ADCY1: variants seen among roughly 807,000 people sequenced by gnomAD.
ADCY1 encodes the protein adenylate cyclase 1.
Under a neutral mutation model 105.4 loss-of-function variants are expected in ADCY1, and 28 were observed. The observed-to-expected ratio is 0.27, with a 90% CI of 0.20 to 0.36. The LOEUF is 0.36. Ranked by LOEUF, ADCY1 falls within the 10% of genes least tolerant of loss-of-function variation. The probability of loss-of-function intolerance (pLI) is 1.00; values close to 1 mark genes in which losing one functional copy is unlikely to be tolerated. For synonymous variants in ADCY1, 655 were observed against 623.8 expected, an observed-to-expected ratio of 1.05 and a Z score of -0.75; for missense variants, 977 against 1,434.2, an observed-to-expected ratio of 0.68 and a Z score of 5.15.
At chr7:45,695,068 C>G (rs1281897197) in intron 14 of ADCY1, among the ~76,000 whole-genome samples, 1 of 152,198 alleles carries the variant, frequency 6.6e-6, no homozygotes, top group South Asian at 2.1e-4. Context: ...TCTGGGAGAC[C>G]CCTAGGCTCC....
intron 14 of ADCY1, among the ~76,000 whole-genome samples, chr7:45,688,427 G>A (rs1220200311): frequency 1.3e-4 from 20 of 152,206 alleles, no homozygotes; most frequent in Admixed American, 1.3e-3. Context: ...GGGAGGGAGG[G>A]TTAGAGTAGG....
At chr7:45,582,845 C>T (rs1220968082) in intron 1 of ADCY1, among the ~76,000 whole-genome samples, 1 of 152,138 alleles carries the variant, frequency 6.6e-6, no homozygotes, top group South Asian at 2.1e-4. Flanking sequence ...TGGGGGAATC[C>T]CTGGGGGCAG....
chr7:45,595,073 T>C (rs981048256), intron 2 of ADCY1, among the ~76,000 whole-genome samples: 1 of 152,256 alleles, frequency 6.6e-6, no homozygotes, highest in Non-Finnish European at 1.5e-5. Flanking sequence ...AGTTTTTTCT[T>C]CACGCACATG....
intron 5 of ADCY1, among the ~76,000 whole-genome samples, chr7:45,655,540 A>T (rs373423026): frequency 1.3e-5 from 2 of 152,380 alleles, no homozygotes; most frequent in South Asian, 4.1e-4. Flanking sequence ...AAGAGGAGTC[A>T]CTATGAGAAC....
At chr7:45,638,895 T>G (rs1333296569) in intron 4 of ADCY1, among the ~76,000 whole-genome samples, 1 of 152,182 alleles carries the variant, frequency 6.6e-6, no homozygotes, top group Non-Finnish European at 1.5e-5. Context: ...ATATTTAGAC[T>G]GTAGGCTCAA....
chr7:45,682,652 A>G (rs1784583507), intron 11 of ADCY1, among the ~76,000 whole-genome samples: 1 of 152,046 alleles, frequency 6.6e-6, no homozygotes, highest in Non-Finnish European at 1.5e-5. Context: ...TGTTTTCCCC[A>G]TCCTCCTTCT....
intron 2 of ADCY1, among the ~76,000 whole-genome samples, chr7:45,595,576 C>T (rs1793050540): frequency 6.6e-6 from 1 of 152,214 alleles, no homozygotes; most frequent in African/African-American, 2.4e-5. Context: ...TCTGACTTTC[C>T]TGGCAGTCGG....
At chr7:45,633,527 G>A (rs1381742752) in intron 4 of ADCY1, among the ~76,000 whole-genome samples, 2 of 152,128 alleles carry the variant, frequency 1.3e-5, no homozygotes, top group Admixed American at 6.5e-5. Context: ...AGCAAGGCCC[G>A]GCACGGTGGC....
intron 8 of ADCY1, among the ~76,000 whole-genome samples, chr7:45,674,140 C>T (rs961261002): frequency 6.6e-5 from 10 of 150,888 alleles, no homozygotes; most frequent in African/African-American, 1.9e-4. Context: ...TTTGAGAGTA[C>T]ATAATGTGTA....
intron 17 of ADCY1, among the ~76,000 whole-genome samples, chr7:45,705,888 T>C (rs1334578356): frequency 6.6e-6 from 1 of 152,132 alleles, no homozygotes; most frequent in Non-Finnish European, 1.5e-5. Context: ...ATATAAAAGC[T>C]CATCATTTTT....
At chr7:45,650,170 CAT>C (rs1162163760) in intron 5 of ADCY1, among the ~76,000 whole-genome samples, 5 of 152,176 alleles carry the variant, frequency 3.3e-5, no homozygotes, top group African/African-American at 7.2e-5. Context: ...TATCATATGT[CAT>C]ATGTTACATG....
At chr7:45,625,742 G>T (rs375721857) in intron 4 of ADCY1, among the ~76,000 whole-genome samples, 9 of 152,288 alleles carry the variant, frequency 5.9e-5, no homozygotes, top group Admixed American at 2.0e-4. Flanking sequence ...TCCCCTGTGG[G>T]TCACCACCTT....
At chr7:45,674,842 G>A (rs534214728) in intron 8 of ADCY1, among the ~76,000 whole-genome samples, 1 of 152,086 alleles carries the variant, frequency 6.6e-6, no homozygotes, top group African/African-American at 2.4e-5. Context: ...TACTTTTTCT[G>A]TTATCACTAC....
At chr7:45,634,617 T>TA (rs1200900768) in intron 4 of ADCY1, among the ~76,000 whole-genome samples, 5 of 152,174 alleles carry the variant, frequency 3.3e-5, no homozygotes, top group African/African-American at 1.2e-4. Context: ...GTCCCCGACT[T>TA]ATGATAGTTT....
At chr7:45,638,081 G>A (rs773930515) in intron 4 of ADCY1, among the ~76,000 whole-genome samples, 6 of 152,066 alleles carry the variant, frequency 3.9e-5, no homozygotes, top group Non-Finnish European at 2.9e-5. Flanking sequence ...TATGCCTGCA[G>A]TATGTTGAGC....
rs547233840 is a variant in ADCY1 at position 45,591,450 on chromosome 7, G to A, written c.640-1309G>A. Among the ~76,000 whole-genome samples, 4 of 152,366 alleles carry A rather than the reference G, an allele frequency of 2.6e-5. No homozygotes were observed. Among genetic ancestry groups the A allele is most frequent in the African/African-American group, 7.2e-5 (3 of 41,584 alleles). ...TGAGTTTGTTTTTGATTTTAGTTCT[G>A]TTTCATAGTGTGCAGCACACATTCA... On this transcript the variant is annotated intron_variant, in intron 1 of 19. Transcript: ENST00000297323. The surrounding 1 kb of genome is among the most constrained non-coding windows in gnomAD (Gnocchi z 4.1).
In ADCY1 at chr7:45,699,746, C is replaced by T. The variant is rs527613800; in HGVS notation, c.2455-3630C>T. ...CTGCCTACTCCTGGTACTCTGAGGTCGGGCTAGGTTGCGCAGCAGTCGCAG... is the reference window on the plus strand; with the variant it reads ...CTGCCTACTCCTGGTACTCTGAGGTTGGGCTAGGTTGCGCAGCAGTCGCAG... On this transcript the variant is annotated intron_variant, in intron 14 of 19. Transcript: ENST00000297323. Among the ~76,000 whole-genome samples, 109 of 152,224 alleles carry T rather than the reference C, an allele frequency of 7.2e-4. 1 individual carries two copies. Among genetic ancestry groups the T allele is most frequent in the African/African-American group, 2.4e-3 (101 of 41,530 alleles).
rs559594737 is a variant in ADCY1, at chr7:45,657,637, G to T, written c.1149-90G>T. ...AGCAAGGACAAGACCCAGTTTCCCT[G>T]GTGCTCACAGCCTAGCAGTGCAGAC... On this transcript the variant is annotated intron_variant, in intron 5 of 19. Transcript: ENST00000297323. 13 of 1,365,200 alleles carry T rather than the reference G, an allele frequency of 9.5e-6. No homozygotes were observed. The East Asian group carries it at 3.0e-4, about 31-fold the overall frequency. The allele number at this position is 1,365,200 out of a possible 1,614,324, so 84.6% of individuals were successfully genotyped here. A position where few individuals can be genotyped will look rare whatever the true frequency, so the allele number is the denominator to read the frequency against.
At chr7:45,610,544 G>A (rs1240772560) in intron 3 of ADCY1, 47 bp downstream of exon 3, 1 of 1,530,928 alleles carries the variant, frequency 6.5e-7, no homozygotes. Flanking sequence ...GGGAAGCTGA[G>A]GTGTGGAGAT....
Sources: gnomAD v4.1 joint callset for allele counts (sites outside exome capture counted in the v4.1 genomes callset) on GRCh38, gnomAD v4.1.1 for gene constraint, Gnocchi (gnomAD v3.1) non-coding constraint, MANE v1.5 for transcripts, NCBI Gene and HGNC (gene_info 2026-07-23, HGNC 2026-07-21) for gene names.